SQLE: variants seen among roughly 807,000 people sequenced by gnomAD.
SQLE encodes squalene epoxidase.
In SQLE, 29 loss-of-function variants were observed where a neutral mutation model predicts 60.7. The ratio of observed to expected loss-of-function variants is 0.48; its 90% confidence interval spans 0.36 to 0.65. The LOEUF (loss-of-function observed/expected upper bound fraction) is 0.65, where lower values mean the gene tolerates loss of function less well. Among genes scored for constraint, SQLE ranks in the 30% least tolerant of loss-of-function variants. The pLI, the probability that SQLE is intolerant of heterozygous loss-of-function variation, is 0.00. For synonymous variants in SQLE, 237 were observed against 246.8 expected, an observed-to-expected ratio of 0.96 and a Z score of 0.37; for missense variants, 605 against 684.1, an observed-to-expected ratio of 0.88 and a Z score of 1.29.
Position 125,005,514 on chromosome 8 carries a change from T to C in SQLE, c.545-11T>C, listed in dbSNP as rs994894882. The C allele has an allele frequency of 1.2e-5, 18 of 1,559,946 alleles. No individual in the cohort carries two copies. Among genetic ancestry groups the C allele is most frequent in the African/African-American group, 2.7e-5 (2 of 73,238 alleles). ...ACAGAATTGATTGTTTTGAACTCGATTGCTTTGCAGATACAGTGGAAGGTC... is the reference window on the plus strand; with the variant it reads ...ACAGAATTGATTGTTTTGAACTCGACTGCTTTGCAGATACAGTGGAAGGTC... On this transcript the variant is annotated splice_polypyrimidine_tract_variant and intron_variant, in intron 2 of 10. Transcript: ENST00000265896.
intron 7 of SQLE, among the ~76,000 whole-genome samples, chr8:125,015,540 C>T (rs901246053): frequency 3.9e-5 from 6 of 151,932 alleles, no homozygotes; most frequent in Non-Finnish European, 8.8e-5. Context: ...TTTTGCCTAC[C>T]TCTTGTAGGC....
chr8:125,005,541 T>C lies in SQLE; in HGVS notation c.561T>C (p.Leu187=), dbSNP rs367919448. The change falls in exon 3 of 11, where the codon CTT becomes CTC. Residue 187 remains leucine, a synonymous_variant. Transcript: ENST00000265896. ...GCTTTGCAGATACAGTGGAAGGTCT[T>C]GATGCCCAGGTTGTAAATGGTTACA... ...DLGLGDTVEG[L]DAQVVNGYMI... is the part of the protein sequence containing the mutation. The C allele has an allele frequency of 5.6e-5, 89 of 1,602,186 alleles. No homozygotes were observed. The highest frequency in any genetic ancestry group is 1.0e-4 in the Admixed American group (6 of 59,046).
chr8:125,011,506 C>T (rs1385398312), intron 6 of SQLE, 31 bp from the exon 7 acceptor site: 1 of 1,529,150 alleles, frequency 6.5e-7, no homozygotes, highest in Non-Finnish European at 8.9e-7. Flanking sequence ...TGTTATGACC[C>T]ATTTCTTTGG....
At chr8:125,017,014 GGGTGACACAGGTAT>G (rs1428930403) in intron 7 of SQLE, among the ~76,000 whole-genome samples, 1 of 152,088 alleles carries the variant, frequency 6.6e-6, no homozygotes, top group African/African-American at 2.4e-5. Context: ...TGTGGGGGAC[GGGTGACACAGGTAT>G]GCCTGTGGCC....
intron 1 of SQLE, among the ~76,000 whole-genome samples, chr8:125,002,325 T>C (rs887063724): frequency 6.6e-5 from 10 of 152,152 alleles, no homozygotes; most frequent in African/African-American, 9.7e-5. Context: ...AAAAGTGATA[T>C]TAAATTAACA....
Position 125,011,630 on chromosome 8 carries a change from G to C in SQLE, c.1202G>C (p.Arg401Pro). The change falls in exon 7 of 11, where the codon CGA becomes CCA. Residue 401 changes from arginine (R) to proline (P), a missense_variant and splice_region_variant. Physicochemically the swap from Arg to Pro is moderately radical, Grantham distance 103. Transcript: ENST00000265896. ...SFLPPSSVKK[R>P]GVLLLGDAYN... The stretch of plus-strand genomic sequence containing the variant: ...CTTCCTCCTTCATCAGTGAAGAAAC[G>C]AGGTATTATTTTTTGGGCTTATTTT... The C allele has an allele frequency of 6.4e-7, 1 of 1,567,432 alleles. No homozygotes were observed. Among genetic ancestry groups the C allele is most frequent in the Non-Finnish European group, 8.7e-7 (1 of 1,154,388 alleles).
rs538918389 is a variant in SQLE, at chr8:125,010,988, G to A, written c.1109-549G>A. The A allele has an allele frequency of 2.0e-5, 3 of 152,210 alleles. No individual in the cohort carries two copies. The East Asian group carries it at 5.8e-4, about 29-fold the overall frequency. The allele number at this position is 152,210 out of a possible 1,614,324, so 9.4% of individuals were successfully genotyped here. A position where few individuals can be genotyped will look rare whatever the true frequency, so the allele number is the denominator to read the frequency against. ...TGACAGTTCATTTTCTATATAAGTA[G>A]CACAGAAATTTAAAGCTTGTTTGGA... On this transcript the variant is annotated intron_variant, in intron 6 of 10. Coordinates refer to ENST00000265896, the MANE Select transcript of SQLE (RefSeq NM_003129.4).
At chr8:125,005,057 C>G (rs183629158) in intron 2 of SQLE, among the ~76,000 whole-genome samples, 1 of 152,142 alleles carries the variant, frequency 6.6e-6, no homozygotes, top group East Asian at 1.9e-4. Context: ...TTTGGAAAAT[C>G]TACTTTTTCA....
chr8:125,016,028 A>G lies in SQLE; in HGVS notation c.1205-2031A>G, dbSNP rs560230426. Among the ~76,000 whole-genome samples, 1 of 152,088 alleles carries G rather than the reference A, an allele frequency of 6.6e-6. No homozygotes were observed. Among genetic ancestry groups the G allele is most frequent in the African/African-American group, 2.4e-5 (1 of 41,466 alleles). The stretch of plus-strand genomic sequence containing the variant: ...TTGTTGCTCTTAGGATCTTTTCTAT[A>G]TCCTTGACCTTTGGGAGTTTGATTA... On this transcript the variant is annotated intron_variant, in intron 7 of 10. Transcript: ENST00000265896. The surrounding 1 kb of genome is among the most constrained non-coding windows in gnomAD (Gnocchi z 4.1).
chr8:125,002,707 A>T (rs7835021), intron 1 of SQLE, among the ~76,000 whole-genome samples: 3,538 of 152,286 alleles, frequency 0.023, 60 homozygotes, highest in Middle Eastern at 0.13. Context: ...CAAACAAAAA[A>T]AAGAAAATGT....
chr8:125,018,015 C>CA, intron 7 of SQLE, 44 bp from the exon 8 acceptor site: 1 of 1,597,766 alleles, frequency 6.3e-7, no homozygotes, highest in Non-Finnish European at 8.5e-7. Context: ...TGTTTTGTCT[C>CA]AAGGGATGCT....
chr8:125,014,445 A>G, intron 7 of SQLE, among the ~76,000 whole-genome samples: 1 of 150,900 alleles, frequency 6.6e-6, no homozygotes, highest in East Asian at 2.0e-4. Context: ...ATTATTTTCT[A>G]CTAATTTGGG....
chr8:125,003,319 T>A lies in SQLE; in HGVS notation c.435T>A (p.Asp145Glu). ...CTTTGGCAGCTGTGCTTTCCAGAGATGGAAGAAAGGTGACAGTCATTGAGA... is the reference window on the plus strand; with the variant it reads ...CTTTGGCAGCTGTGCTTTCCAGAGAAGGAAGAAAGGTGACAGTCATTGAGA... ...GSALAAVLSR[D>E]GRKVTVIERD... The change falls in exon 2 of 11, where the codon GAT becomes GAA. Residue 145 changes from aspartate to glutamate, a missense_variant. Transcript: ENST00000265896. The A allele has an allele frequency of 6.2e-7, 1 of 1,613,944 alleles. No individual in the cohort carries two copies. Among genetic ancestry groups the A allele is most frequent in the Non-Finnish European group, 8.5e-7 (1 of 1,179,886 alleles).
At position 125,016,857 on chromosome 8, in the gene SQLE, C is replaced by G. The variant is rs1438249756; in HGVS notation, c.1205-1202C>G. On this transcript the variant is annotated intron_variant, in intron 7 of 10. Transcript: ENST00000265896. This position sits in a 1 kb window ranked among gnomAD's most constrained non-coding sequence, Gnocchi z 4.1. ...CACCCCAAGTCCAGTAACATTGTGA[C>G]CCTTGCAGACTTGTAGAGGTACCGC... 1.3e-5 allele frequency among the ~76,000 whole-genome samples: 2 copies of G among 152,176 alleles called. No individual in the cohort carries two copies. The highest frequency in any genetic ancestry group is 4.8e-5 in the African/African-American group (2 of 41,444).
Position 124,998,530 on chromosome 8 carries a change from T to TG in SQLE, c.-869dup, listed in dbSNP as rs1814781649. On this transcript the variant is annotated 5_prime_UTR_variant, in exon 1 of 11. Transcript: ENST00000265896. ...GAGACGCGTGGAGCCTGGCGGCGAG[T>TG]GGGGGCGTGCGACGGTTACTCTGGT... is the stretch of plus-strand genomic sequence containing the variant. The TG allele has an allele frequency of 1.5e-6, 1 of 661,692 alleles. No homozygotes were observed. The highest frequency in any genetic ancestry group is 1.6e-5 in the South Asian group (1 of 63,862). 41.0% of individuals were successfully genotyped at this position (661,692 alleles called of 1,614,324 possible). A position where few individuals can be genotyped will look rare whatever the true frequency, so the allele number is the denominator to read the frequency against.
Position 125,016,119 on chromosome 8 carries a change from G to C in SQLE, c.1205-1940G>C, listed in dbSNP as rs1815108322. Among the ~76,000 whole-genome samples the C allele has an allele frequency of 6.6e-6, 1 of 152,068 alleles. No homozygotes were observed. Among genetic ancestry groups the C allele is most frequent in the African/African-American group, 2.4e-5 (1 of 41,402 alleles). On this transcript the variant is annotated intron_variant, in intron 7 of 10. Transcript: ENST00000265896. This position sits in a 1 kb window ranked among gnomAD's most constrained non-coding sequence, Gnocchi z 4.1. ...ACCAATCCTTGCTTGGTGTTCTGTAGCTTTCTTGTGCTTGAATATTGATAT... is the reference window on the plus strand; with the variant it reads ...ACCAATCCTTGCTTGGTGTTCTGTACCTTTCTTGTGCTTGAATATTGATAT...
At chr8:125,007,016 C>CT (rs939923544) in intron 3 of SQLE, among the ~76,000 whole-genome samples, 6 of 152,134 alleles carry the variant, frequency 3.9e-5, no homozygotes, top group Non-Finnish European at 8.8e-5. Context: ...AATAATTACT[C>CT]TTAACAGTTT....
At chr8:125,008,626 T>C (rs1327079147) in intron 4 of SQLE, among the ~76,000 whole-genome samples, 1 of 152,210 alleles carries the variant, frequency 6.6e-6, no homozygotes, top group East Asian at 1.9e-4. Flanking sequence ...TGAAAGAATC[T>C]GGCTAGTCCC....
intron 2 of SQLE, among the ~76,000 whole-genome samples, chr8:125,004,459 AAATAT>A (rs1814914372): frequency 6.6e-6 from 1 of 152,042 alleles, no homozygotes; most frequent in Non-Finnish European, 1.5e-5. Context: ...ATATTTTCTA[AAATAT>A]AATATTAGTT....
Sources: allele counts gnomAD v4.1 joint callset (sites outside exome capture counted in the v4.1 genomes callset), GRCh38; gene constraint gnomAD v4.1.1; non-coding constraint Gnocchi (gnomAD v3.1); transcripts MANE v1.5; gene names NCBI Gene and HGNC (gene_info 2026-07-23, HGNC 2026-07-21).